The following DMD variants were observed in gnomAD, a reference collection of about 807,000 sequenced individuals.
The protein encoded by DMD is dystrophin.
In DMD, 63 loss-of-function variants were observed where a neutral mutation model predicts 330.1. The observed-to-expected ratio is 0.19, with a 90% confidence interval of 0.16 to 0.24. The LOEUF (loss-of-function observed/expected upper bound fraction) is 0.24. Among genes scored for constraint, DMD ranks in the 10% least tolerant of loss-of-function variants. The pLI, the probability that DMD is intolerant of heterozygous loss-of-function variation, is 1.00. For missense variants in DMD, 3,344 were observed against 2,684.1 expected (o/e 1.25, Z -5.43); for synonymous variants, 1,223 against 959.8 (o/e 1.27, Z -5.07).
intron 1 of DMD, among the ~76,000 whole-genome samples, chrX:33,037,975 A>G (rs2094233140): frequency 8.9e-6 from 1 of 112,294 alleles, no homozygotes; most frequent in South Asian, 3.7e-4. Flanking sequence ...CACTATCAAT[A>G]TATATGTATT....
chrX:33,269,953 A>C (rs1183330967), intron 1 of DMD, among the ~76,000 whole-genome samples: 2 of 109,728 alleles, frequency 1.8e-5, no homozygotes, highest in African/African-American at 6.7e-5. Context: ...AATCATATGG[A>C]GCTTATATAT....
chrX:31,883,314 G>A (rs2094104346), intron 47 of DMD, among the ~76,000 whole-genome samples: 1 of 111,154 alleles, frequency 9.0e-6, no homozygotes, highest in Admixed American at 9.6e-5. Flanking sequence ...GAGGGTGGTG[G>A]CAGGGGAGAG....
chrX:32,169,789 G>C (rs1183129169), intron 44 of DMD, among the ~76,000 whole-genome samples: 2 of 111,457 alleles, frequency 1.8e-5, no homozygotes, highest in Non-Finnish European at 3.8e-5. Context: ...AAAGATGGGG[G>C]TCATTTTTTC....
At chrX:33,141,598 G>A (rs892673014) in intron 1 of DMD, among the ~76,000 whole-genome samples, 1 of 111,757 alleles carries the variant, frequency 8.9e-6, no homozygotes. Flanking sequence ...AGTCTTAAGA[G>A]CCTCAGTGAT....
At chrX:31,321,784 A>G (rs1211548034) in intron 62 of DMD, among the ~76,000 whole-genome samples, 1 of 110,331 alleles carries the variant, frequency 9.1e-6, no homozygotes, top group African/African-American at 3.3e-5. Context: ...GGAGCATTGG[A>G]CAAATAGGAT....
At chrX:33,095,101 A>G (rs111705251) in intron 1 of DMD, among the ~76,000 whole-genome samples, 4,352 of 112,457 alleles carry the variant, frequency 0.039, 207 homozygotes, top group African/African-American at 0.13. Context: ...ATACAAATAT[A>G]TCAATACACA....
intron 7 of DMD, among the ~76,000 whole-genome samples, chrX:32,734,881 T>A (rs1462687729): frequency 2.9e-5 from 3 of 102,907 alleles, no homozygotes; most frequent in Non-Finnish European, 5.9e-5. Flanking sequence ...CTCTCACCAC[T>A]CCTATTCAAC....
intron 7 of DMD, among the ~76,000 whole-genome samples, chrX:32,763,233 GAATT>G (rs1385242121): frequency 5.4e-5 from 6 of 111,796 alleles, no homozygotes; most frequent in African/African-American, 9.7e-5. Flanking sequence ...TGTTTATTCA[GAATT>G]ATTTAATACA....
intron 44 of DMD, among the ~76,000 whole-genome samples, chrX:32,211,995 A>G (rs747100241): frequency 8.9e-6 from 1 of 112,229 alleles, no homozygotes; most frequent in African/African-American, 3.2e-5. Context: ...AGGGCATTTT[A>G]TAATTTCTAC....
At chrX:31,713,934 T>C (rs1004681420) in intron 52 of DMD, among the ~76,000 whole-genome samples, 5 of 111,931 alleles carry the variant, frequency 4.5e-5, no homozygotes, top group Non-Finnish European at 5.6e-5. Context: ...TTAGGGCAAG[T>C]TGCAAATATA....
intron 1 of DMD, among the ~76,000 whole-genome samples, chrX:33,243,798 C>G (rs949816043): frequency 6.3e-5 from 7 of 111,611 alleles, no homozygotes; most frequent in Admixed American, 1.9e-4. Context: ...AAGACAAATA[C>G]TGCATGTTCT....
chrX:32,423,178 T>A (rs1307258890), intron 29 of DMD, among the ~76,000 whole-genome samples: 19 of 110,520 alleles, frequency 1.7e-4, no homozygotes, highest in African/African-American at 5.9e-4. Flanking sequence ...GCCTTAATGG[T>A]TTTCCTTTAT....
At chrX:33,077,672 T>C (rs2094866142) in intron 1 of DMD, among the ~76,000 whole-genome samples, 2 of 111,846 alleles carry the variant, frequency 1.8e-5, no homozygotes, top group African/African-American at 6.5e-5. Flanking sequence ...AGTGTTTATG[T>C]GAATAGCCTA....
chrX:32,307,538 G>A (rs2097545130), intron 42 of DMD, among the ~76,000 whole-genome samples: 2 of 111,520 alleles, frequency 1.8e-5, no homozygotes, highest in African/African-American at 6.5e-5. Context: ...AATGATATGG[G>A]TGACATCCCA....
rs768187804 is a variant in DMD at position 31,602,264 on chromosome X, TGTTTTGTTTATTTGTTCTTG to T, written c.8217+25389_8217+25408del. Among the ~76,000 whole-genome samples, 129 of 110,321 alleles carry T rather than the reference TGTTTTGTTTATTTGTTCTTG, an allele frequency of 1.2e-3. 3 individuals are homozygous for T. Among genetic ancestry groups the T allele is most frequent in the African/African-American group, 4.1e-3 (125 of 30,458 alleles). Reference sequence around the variant, plus strand: ...ACCCTTCCTTGGAAGTGCAGACAAGTGTTTTGTTTATTTGTTCTTGTTTTGTTTGAGGTCAATTCACTGGC... The same window carrying T: ...ACCCTTCCTTGGAAGTGCAGACAAGTTTTTGTTTGAGGTCAATTCACTGGC... On this transcript the variant is annotated intron_variant, in intron 55 of 78. Transcript: ENST00000357033.
intron 29 of DMD, among the ~76,000 whole-genome samples, chrX:32,429,712 T>A (rs1228322958): frequency 9.1e-6 from 1 of 109,925 alleles, no homozygotes; most frequent in African/African-American, 3.3e-5. Context: ...CCTTGACAAT[T>A]TATTACAGCA....
In DMD at chrX:31,766,873, T is replaced by TTGTGTGTGTGTGTGTGTGTGTG. The variant is rs756777827; in HGVS notation, c.7542+7065_7542+7086dup. ...ATTAGGAGACTTAGAAAATATGATT[T>TTGTGTGTGTGTGTGTGTGTGTG]TGTGTGTGTGTGTGTGTGTGTGTGT... On this transcript the variant is annotated intron_variant, in intron 51 of 78. Transcript: ENST00000357033. 1.0e-3 allele frequency among the ~76,000 whole-genome samples: 105 copies of TTGTGTGTGTGTGTGTGTGTGTG among 101,085 alleles called. 1 individual carries two copies. Among genetic ancestry groups the TTGTGTGTGTGTGTGTGTGTGTG allele is most frequent in the Admixed American group, 5.1e-3 (46 of 9,053 alleles). 87.8% of individuals were successfully genotyped at this position (101,085 alleles called of 115,157 possible). A position where few individuals can be genotyped will look rare whatever the true frequency, so the allele number is the denominator to read the frequency against.
At chrX:32,693,939 G>C (rs533367266) in intron 9 of DMD, among the ~76,000 whole-genome samples, 5 of 111,880 alleles carry the variant, frequency 4.5e-5, no homozygotes, top group African/African-American at 1.3e-4. Context: ...AGAGTGAATA[G>C]GAGTGTTAGT....
At chrX:33,228,388 T>C (rs1013731247) in intron 1 of DMD, among the ~76,000 whole-genome samples, 5 of 108,688 alleles carry the variant, frequency 4.6e-5, no homozygotes, top group African/African-American at 1.7e-4. Flanking sequence ...ATGAGGTACA[T>C]TTAAGGGTTT....
Sources: allele counts gnomAD v4.1 joint callset (sites outside exome capture counted in the v4.1 genomes callset), GRCh38; gene constraint gnomAD v4.1.1; transcripts MANE v1.5; gene names NCBI Gene and HGNC (gene_info 2026-07-23, HGNC 2026-07-21).